ANK3: variants seen among roughly 807,000 people sequenced by gnomAD.
ANK3 encodes the protein ankyrin-3.
In ANK3, 57 loss-of-function variants were observed where a neutral mutation model predicts 370.9. The observed-to-expected ratio is 0.15, with a 90% CI of 0.12 to 0.19. The LOEUF is 0.19. ANK3 is among the 10% of genes least tolerant of loss of function. The probability of loss-of-function intolerance (pLI) is 1.00; values close to 1 mark genes in which losing one functional copy is unlikely to be tolerated. For synonymous variants in ANK3, 1,929 were observed against 1,946.3 expected (o/e 0.99, Z 0.23); for missense variants, 4,439 against 5,302.1 (o/e 0.84, Z 5.06).
chr10:60,486,888 G>A (rs189723603), intron 2 of ANK3, among the ~76,000 whole-genome samples: 204 of 152,218 alleles, frequency 1.3e-3, no homozygotes, highest in African/African-American at 4.6e-3. Context: ...TTTCAAACTG[G>A]ACTTTAATTC....
At chr10:60,502,479 A>G (rs2075825775) in intron 2 of ANK3, among the ~76,000 whole-genome samples, 2 of 152,212 alleles carry the variant, frequency 1.3e-5, no homozygotes, top group Admixed American at 1.3e-4. Flanking sequence ...CCAAAGCTCA[A>G]TGACGTATCT....
chr10:60,342,781 C>T (rs1566722208), intron 1 of ANK3, among the ~76,000 whole-genome samples: 2 of 152,002 alleles, frequency 1.3e-5, no homozygotes. Flanking sequence ...GCAGTGCTTT[C>T]CAAAATATTT....
intron 9 of ANK3, among the ~76,000 whole-genome samples, chr10:60,208,547 G>A (rs936312430): frequency 6.6e-6 from 1 of 152,148 alleles, no homozygotes; most frequent in Admixed American, 6.6e-5. Context: ...AATAGAGATG[G>A]GGTTTCACTC....
intron 23 of ANK3, among the ~76,000 whole-genome samples, chr10:60,157,335 C>CTT (rs777732848): frequency 1.9e-4 from 23 of 121,124 alleles, no homozygotes; most frequent in African/African-American, 5.1e-4. Flanking sequence ...CTGTGCCCGG[C>CTT]TTTTTTTTTT....
chr10:60,092,726 A>G (rs531131330), intron 28 of ANK3, among the ~76,000 whole-genome samples: 1 of 152,288 alleles, frequency 6.6e-6, no homozygotes, highest in Admixed American at 6.5e-5. Context: ...AAGAAAACAA[A>G]TAATTTTGTT....
At position 60,649,027 on chromosome 10, in the gene ANK3, G is replaced by A. The variant is rs140275106; in HGVS notation, c.58-33803C>T. ...CTTTTTCTTGGTTCCATGCATCAGC[G>A]AGTATAAAGGGACATAATGTCCTTC... On this transcript the variant is annotated intron_variant, in intron 1 of 43. Coordinates refer to the ANK3 transcript ENST00000373827. Among the ~76,000 whole-genome samples the A allele has an allele frequency of 1.9e-3, 287 of 152,204 alleles. 2 individuals carry two copies. The highest frequency in any genetic ancestry group is 6.5e-3 in the African/African-American group (270 of 41,520).
intron 2 of ANK3, among the ~76,000 whole-genome samples, chr10:60,598,772 A>C (rs1397027022): frequency 6.6e-6 from 1 of 152,224 alleles, no homozygotes; most frequent in African/African-American, 2.4e-5. Flanking sequence ...ATGACATAAA[A>C]GCAATTCATA....
intron 43 of ANK3, among the ~76,000 whole-genome samples, chr10:60,036,917 G>A (rs528413170): frequency 7.6e-4 from 115 of 152,048 alleles, no homozygotes; most frequent in African/African-American, 1.4e-3. Flanking sequence ...TCAGAGCTTC[G>A]GACTTGCATA....
At chr10:60,278,529 C>T (rs1377200056) in intron 4 of ANK3, among the ~76,000 whole-genome samples, 2 of 151,976 alleles carry the variant, frequency 1.3e-5, no homozygotes, top group Non-Finnish European at 2.9e-5. Flanking sequence ...CACCATGATG[C>T]CAGGCTAATT....
At chr10:60,199,562 G>A (rs1302853460) in intron 13 of ANK3, among the ~76,000 whole-genome samples, 1 of 152,090 alleles carries the variant, frequency 6.6e-6, no homozygotes, top group East Asian at 1.9e-4. Flanking sequence ...GAAATTAAGT[G>A]GTTTATGATT....
Position 60,357,402 on chromosome 10 carries a change from C to T in ANK3, c.114+32023G>A, listed in dbSNP as rs75662117. On this transcript the variant is annotated intron_variant, in intron 1 of 43. Transcript: ENST00000280772. ...CCAGACTCCGCCTATCCATCACCTCCCTCTTATCTTCCACTATCGATCACC... is the reference window on the plus strand; with the variant it reads ...CCAGACTCCGCCTATCCATCACCTCTCTCTTATCTTCCACTATCGATCACC... Among the ~76,000 whole-genome samples the T allele has an allele frequency of 5.2e-3, 786 of 152,288 alleles. 4 individuals are homozygous for T. The highest frequency in any genetic ancestry group is 0.011 in the South Asian group (54 of 4,820).
rs919006817 is a variant in ANK3 at position 60,566,049 on chromosome 10, C to T, written c.96+49137G>A. ...GTCTCTGGGTCACATTTTGGTAATT[C>T]TCAAAATATTTCAATTTTTTTCTTT... On this transcript the variant is annotated intron_variant, in intron 2 of 43. Transcript: ENST00000373827. 4.6e-5 allele frequency among the ~76,000 whole-genome samples: 7 copies of T among 152,266 alleles called. No homozygotes were observed. The East Asian group carries it at 1.2e-3, about 25-fold the overall frequency.
intron 16 of ANK3, among the ~76,000 whole-genome samples, chr10:60,193,957 C>T (rs1307936658): frequency 5.9e-5 from 9 of 152,002 alleles, no homozygotes; most frequent in African/African-American, 2.2e-4. Flanking sequence ...CCTGTCTCTA[C>T]TGAAAATACA....
chr10:60,203,221 C>T, intron 11 of ANK3, 121 bp from the exon 12 acceptor site: 1 of 585,166 alleles, frequency 1.7e-6, no homozygotes, highest in Non-Finnish European at 3.1e-6. Context: ...GATTAGAAGA[C>T]ATCAGGACAT....
chr10:60,094,171 A>T (rs534095953), intron 28 of ANK3, among the ~76,000 whole-genome samples: 34 of 148,874 alleles, frequency 2.3e-4, no homozygotes, highest in African/African-American at 8.2e-4. Context: ...AAATGGAGAA[A>T]CAGTATTCTA....
intron 7 of ANK3, among the ~76,000 whole-genome samples, chr10:60,240,299 T>C (rs1292346376): frequency 9.8e-6 from 1 of 101,812 alleles, no homozygotes; most frequent in Non-Finnish European, 2.1e-5. Context: ...TATATATATA[T>C]ATATATATTT....
chr10:60,196,464 T>G, intron 15 of ANK3, 63 bp downstream of exon 15: 1 of 1,165,132 alleles, frequency 8.6e-7, no homozygotes, highest in East Asian at 2.4e-5. Flanking sequence ...TAGTGAATAT[T>G]AGCAAGGGTG....
At chr10:60,257,975 G>T (rs2097760874) in intron 7 of ANK3, among the ~76,000 whole-genome samples, 2 of 152,182 alleles carry the variant, frequency 1.3e-5, no homozygotes, top group South Asian at 4.1e-4. Flanking sequence ...GTGGTCCATT[G>T]TATTTGATGA....
Position 60,072,070 on chromosome 10 carries a change from T to G in ANK3, c.8811A>C (p.Glu2937Asp). 1 of 1,614,128 alleles carries G rather than the reference T, an allele frequency of 6.2e-7. No homozygotes were observed. Residue 2937 changes from glutamate (E) to aspartate (D), a missense_variant, in exon 37 of 44, where the codon GAA becomes GAC. Physicochemically the swap from Glu to Asp is conservative, Grantham distance 45. Around this residue, in one of 13 missense-constraint regions of ANK3, gnomAD observed 1,601 missense variants for 1,731.7 expected, o/e 0.92. Coordinates refer to ENST00000280772, the MANE Select transcript of ANK3 (RefSeq NM_020987.5). ...KVLYREYVVK[E>D]GDHPGGLLDQ... ...CAAGCAATCCGCCTGGATGGTCCCC[T>G]TCTTTCACAACATATTCCCTATATA...
Sources: gnomAD v4.1 joint callset for allele counts (sites outside exome capture counted in the v4.1 genomes callset) on GRCh38, gnomAD v4.1.1 for gene constraint, gnomAD v4.1.1 regional missense constraint, MANE v1.5 for transcripts, NCBI Gene and HGNC (gene_info 2026-07-23, HGNC 2026-07-21) for gene names.